Variants in ZC3H13 observed in about 807,000 individuals in gnomAD.
ZC3H13 encodes the protein zinc finger CCCH-type containing 13, also known as zinc finger CCCH domain-containing protein 13.
ZC3H13 carries 64 observed loss-of-function variants against 204.1 expected under a neutral mutation model. That is an observed-to-expected ratio of 0.31 (90% CI 0.26 to 0.39). The LOEUF (loss-of-function observed/expected upper bound fraction) is 0.39. Among genes scored for constraint, ZC3H13 ranks in the 10% least tolerant of loss-of-function variants. The pLI is 1.00. For synonymous variants in ZC3H13, 667 were observed against 693.7 expected, an observed-to-expected ratio of 0.96 and a Z score of 0.60; for missense variants, 1,833 against 2,082.7, an observed-to-expected ratio of 0.88 and a Z score of 2.33.
intron 1 of ZC3H13, among the ~76,000 whole-genome samples, chr13:46,051,588 A>ATTT (rs1329524151): frequency 2.0e-5 from 3 of 152,338 alleles, no homozygotes; most frequent in African/African-American, 7.2e-5. Flanking sequence ...CTGCATAAGT[A>ATTT]TTTATTCTCC....
chr13:46,025,337 T>G (rs1235455420), intron 4 of ZC3H13, among the ~76,000 whole-genome samples: 2 of 152,174 alleles, frequency 1.3e-5, no homozygotes, highest in African/African-American at 4.8e-5. Flanking sequence ...GACAGGGTCT[T>G]GTTCTATGAT....
chr13:45,956,904 C>T lies in ZC3H13; in HGVS notation c.*223G>A. Reference sequence around the variant, plus strand: ...ATAAACTACTAAATCTAGATGTTTTCACATTATTTTGCATGAGTGTCAAAT... The same window carrying T: ...ATAAACTACTAAATCTAGATGTTTTTACATTATTTTGCATGAGTGTCAAAT... On this transcript the variant is annotated 3_prime_UTR_variant, in exon 19 of 19. Coordinates refer to ENST00000679008, the MANE Select transcript of ZC3H13 (RefSeq NM_001330564.2). The T allele has an allele frequency of 2.9e-6, 1 of 339,846 alleles. No homozygotes were observed. Among genetic ancestry groups the T allele is most frequent in the South Asian group, 1.4e-4 (1 of 7,046 alleles). The allele number at this position is 339,846 out of a possible 1,614,324, so 21.1% of individuals were successfully genotyped here.
chr13:46,018,190 G>GA (rs61332593), intron 5 of ZC3H13, among the ~76,000 whole-genome samples: 113,454 of 151,474 alleles, frequency 0.75, 42,970 homozygotes, highest in African/African-American at 0.85. Context: ...AAATGCTGCA[G>GA]ACGGCCATTT....
In ZC3H13 at chr13:45,969,372, T is replaced by C. The variant is rs1462009698; in HGVS notation, c.3172A>G (p.Lys1058Glu). ...TCACTGAATGCTGTATCTTCTTTTT[T>C]CTGGGAGTCCTCTAGAATACCATTC... ...GKNGILEDSQ[K>E]KEDTAFSDWS... Residue 1058 changes from lysine (K) to glutamate (E), a missense_variant, in exon 14 of 19, where the codon AAA becomes GAA. This residue lies in a region of ZC3H13 where 1,574 missense variants were observed against 1,757.2 expected (regional missense o/e 0.90). Coordinates refer to ENST00000679008, the MANE Select transcript of ZC3H13 (RefSeq NM_001330564.2). 2.5e-6 allele frequency: 4 copies of C among 1,614,148 alleles called. No homozygotes were observed. The highest frequency in any genetic ancestry group is 1.7e-5 in the Admixed American group (1 of 60,022).
intron 1 of ZC3H13, among the ~76,000 whole-genome samples, chr13:46,046,313 TTTTTA>T (rs2043950118): frequency 6.6e-6 from 1 of 152,116 alleles, no homozygotes; most frequent in African/African-American, 2.4e-5. Flanking sequence ...TGTAAAAATA[TTTTTA>T]TTTTATTTTA....
At chr13:46,018,841 T>C (rs1308115844) in intron 5 of ZC3H13, among the ~76,000 whole-genome samples, 2 of 152,160 alleles carry the variant, frequency 1.3e-5, no homozygotes, top group East Asian at 3.8e-4. Flanking sequence ...TTTAAAATGT[T>C]TTTTATGCAA....
intron 8 of ZC3H13, among the ~76,000 whole-genome samples, chr13:45,996,794 T>C (rs1348896833): frequency 1.4e-5 from 2 of 144,810 alleles, no homozygotes; most frequent in Non-Finnish European, 3.0e-5. Context: ...AGTGAAAACA[T>C]GAAAGTTCTT....
chr13:45,975,069 C>T (rs1169847419), intron 12 of ZC3H13, among the ~76,000 whole-genome samples: 1 of 152,020 alleles, frequency 6.6e-6, no homozygotes, highest in Non-Finnish European at 1.5e-5. Flanking sequence ...TGGTCTCAAA[C>T]TCCTGGCCTG....
intron 13 of ZC3H13, 25 bp downstream of exon 13, chr13:45,970,337 G>C: frequency 2.5e-6 from 4 of 1,604,922 alleles, no homozygotes; most frequent in Non-Finnish European, 3.4e-6. Flanking sequence ...TGAATATAGA[G>C]AGACAGAAAA....
At chr13:45,974,516 G>C (rs748058406) in intron 12 of ZC3H13, among the ~76,000 whole-genome samples, 1 of 152,186 alleles carries the variant, frequency 6.6e-6, no homozygotes, top group Non-Finnish European at 1.5e-5. Flanking sequence ...TGGTTAAAAG[G>C]GGGTGAGGTG....
chr13:46,038,616 A>G (rs894032137), intron 4 of ZC3H13, among the ~76,000 whole-genome samples: 2 of 152,218 alleles, frequency 1.3e-5, no homozygotes, highest in Admixed American at 6.5e-5. Context: ...CCCTTACCTA[A>G]CATAGGCCTG....
chr13:45,998,258 A>C (rs2040479264), intron 8 of ZC3H13, among the ~76,000 whole-genome samples: 1 of 152,204 alleles, frequency 6.6e-6, no homozygotes, highest in Non-Finnish European at 1.5e-5. Context: ...TATCACAGTT[A>C]AGTGAGCCAC....
intron 4 of ZC3H13, among the ~76,000 whole-genome samples, chr13:46,030,324 A>G (rs188883570): frequency 3.3e-4 from 51 of 152,356 alleles, no homozygotes; most frequent in African/African-American, 1.2e-3. Context: ...GAAACAAGGA[A>G]AGGATGTTCC....
intron 3 of ZC3H13, among the ~76,000 whole-genome samples, chr13:46,043,740 ATT>A (rs1266610596): frequency 2.6e-5 from 4 of 151,984 alleles, no homozygotes; most frequent in Admixed American, 6.6e-5. Context: ...TATAATAAAT[ATT>A]CTTTATTCTA....
intron 1 of ZC3H13, among the ~76,000 whole-genome samples, chr13:46,048,344 GA>G (rs2044131110): frequency 6.6e-6 from 1 of 151,466 alleles, no homozygotes; most frequent in South Asian, 2.1e-4. Flanking sequence ...TTGGGAGGCC[GA>G]GGCGGGCGGA....
chr13:46,045,580 A>C, intron 1 of ZC3H13, 64 bp from the exon 2 acceptor site: 5 of 1,085,420 alleles, frequency 4.6e-6, no homozygotes, highest in Non-Finnish European at 7.1e-6. Flanking sequence ...CTGAGCCCAC[A>C]GCTTACAAGT....
rs774372608 is a variant in ZC3H13 at position 46,044,950 on chromosome 13, T to C, written c.227+5A>G. 1.9e-6 allele frequency: 3 copies of C among 1,604,218 alleles called. No individual in the cohort carries two copies. Among genetic ancestry groups the C allele is most frequent in the Non-Finnish European group, 2.6e-6 (3 of 1,174,296 alleles). ...TACATGAACAATACAAAGTTCTCAGTTTACCTTCTATAATTGCTGCTATAA... is the reference window on the plus strand; with the variant it reads ...TACATGAACAATACAAAGTTCTCAGCTTACCTTCTATAATTGCTGCTATAA... On this transcript the variant is annotated splice_donor_5th_base_variant and intron_variant, in intron 3 of 18. Transcript: ENST00000679008.
intron 2 of ZC3H13, 31 bp downstream of exon 2, chr13:46,045,360 A>C: frequency 6.1e-5 from 93 of 1,529,510 alleles, no homozygotes; most frequent in Non-Finnish European, 7.9e-5. Flanking sequence ...ATTCTAAGAG[A>C]ACCCCTGTGA....
At chr13:46,052,362 A>G (rs2044534398) in intron 1 of ZC3H13, 42 bp downstream of exon 1, 2 of 395,614 alleles carry the variant, frequency 5.1e-6, no homozygotes, top group East Asian at 7.2e-5. Context: ...GGTCCGCTCA[A>G]TGCCTTCCCC....
Sources: allele counts gnomAD v4.1 joint callset (sites outside exome capture counted in the v4.1 genomes callset), GRCh38; gene constraint gnomAD v4.1.1; regional missense constraint gnomAD v4.1.1; transcripts MANE v1.5; gene names NCBI Gene and HGNC (gene_info 2026-07-23, HGNC 2026-07-21).